DOCK1: variants seen among roughly 807,000 people sequenced by gnomAD.
DOCK1 encodes the protein dedicator of cytokinesis protein 1.
In DOCK1, 138 loss-of-function variants were observed where a neutral mutation model predicts 262.7. The ratio of observed to expected loss-of-function variants is 0.53; its 90% CI spans 0.46 to 0.61. DOCK1 has a LOEUF of 0.61. Ranked by LOEUF, DOCK1 falls within the 20% of genes least tolerant of loss-of-function variation. The pLI is 0.00. For synonymous variants in DOCK1, 866 were observed against 867.4 expected (o/e 1.00, Z 0.03); for missense variants, 1,908 against 2,370.7 (o/e 0.80, Z 4.05).
chr10:127,301,162 T>G (rs769190847), intron 29 of DOCK1, among the ~76,000 whole-genome samples: 25 of 152,328 alleles, frequency 1.6e-4, no homozygotes, highest in Non-Finnish European at 2.8e-4. Flanking sequence ...CAGTGAGAAC[T>G]GGGCAGGCAT....
intron 23 of DOCK1, among the ~76,000 whole-genome samples, chr10:127,063,673 A>G (rs1245435250): frequency 1.3e-5 from 2 of 152,356 alleles, no homozygotes; most frequent in East Asian, 3.9e-4. Context: ...AGACGTGTGT[A>G]GTGTAAGAAT....
In DOCK1 at chr10:126,955,598, G is replaced by A. The variant is rs909346010; in HGVS notation, c.47-15104G>A. On this transcript the variant is annotated intron_variant, in intron 1 of 51. Transcript: ENST00000623213. ...AAGCTGCTGGGGAAGACAGGCTGGC[G>A]CTGTCTGGGGTTAAAGGTGGTTCCC... is the stretch of plus-strand genomic sequence containing the variant. Among the ~76,000 whole-genome samples the A allele has an allele frequency of 4.8e-3, 726 of 152,210 alleles. 3 individuals are homozygous for A. The highest frequency in any genetic ancestry group is 4.5e-3 in the Non-Finnish European group (309 of 68,012).
intron 31 of DOCK1, among the ~76,000 whole-genome samples, chr10:127,346,277 C>T (rs1042501297): frequency 3.3e-5 from 5 of 152,164 alleles, no homozygotes; most frequent in Admixed American, 2.6e-4. Context: ...TTGGTGTGAG[C>T]GTTAAGAGCC....
intron 22 of DOCK1, among the ~76,000 whole-genome samples, chr10:127,058,881 AT>A (rs2045350276): frequency 6.6e-6 from 1 of 151,960 alleles, no homozygotes; most frequent in Non-Finnish European, 1.5e-5. Context: ...CATTACTGTT[AT>A]TTTATACAGT....
At chr10:127,112,613 C>T (rs1347416352) in intron 25 of DOCK1, among the ~76,000 whole-genome samples, 1 of 152,070 alleles carries the variant, frequency 6.6e-6, no homozygotes, top group Non-Finnish European at 1.5e-5. Flanking sequence ...TTTTTAAGTA[C>T]GGAATTAGGA....
At position 127,140,878 on chromosome 10, in the gene DOCK1, G is replaced by GCA. The variant is rs530724081; in HGVS notation, c.2847+13119_2847+13120dup. Among the ~76,000 whole-genome samples the GCA allele has an allele frequency of 1.3e-3, 192 of 152,338 alleles. 1 individual carries two copies. Among genetic ancestry groups the GCA allele is most frequent in the African/African-American group, 4.4e-3 (183 of 41,592 alleles). ...TGTTCCAGGGCACTGGGACTGCCCT[G>GCA]CACACAGACCTCCCTCTGTATTTGA... On this transcript the variant is annotated intron_variant, in intron 27 of 51. Transcript: ENST00000623213.
At position 127,175,899 on chromosome 10, in the gene DOCK1, C is replaced by T. The variant is rs202008548; in HGVS notation, c.2847+48135C>T. 207 of 1,614,076 alleles carry T rather than the reference C, an allele frequency of 1.3e-4. No individual in the cohort carries two copies. Among genetic ancestry groups the T allele is most frequent in the Middle Eastern group, 1.6e-4 (1 of 6,084 alleles). Reference sequence around the variant, plus strand: ...AACCAAGGCTGTGGTCTTGTGCACCCGCCCCGCGCCACATGGCCGGGCCTC... The same window carrying T: ...AACCAAGGCTGTGGTCTTGTGCACCTGCCCCGCGCCACATGGCCGGGCCTC... On this transcript the variant is annotated intron_variant, in intron 27 of 51. Transcript: ENST00000623213. The surrounding 1 kb of genome is among the most constrained non-coding windows in gnomAD (Gnocchi z 6.3).
intron 29 of DOCK1, among the ~76,000 whole-genome samples, chr10:127,308,959 G>T (rs2061969594): frequency 6.6e-6 from 1 of 152,228 alleles, no homozygotes; most frequent in South Asian, 2.1e-4. Context: ...CCCAGTAATG[G>T]GATGGCTGGG....
rs2070957601 is a variant in DOCK1, at chr10:127,451,370, T to C, written c.5604T>C (p.Pro1868=). The change falls in exon 52 of 52, where the codon CCT becomes CCC. Residue 1868 remains proline, a synonymous_variant. Transcript: ENST00000623213. ...CACTGCCCAGCAAAACTCCGCCTCC[T>C]CCCCCTCCAAAGACAACTCGCAAGC... ...PPPLPSKTPP[P]PPPKTTRKQA... The C allele has an allele frequency of 6.3e-7, 1 of 1,599,736 alleles. No homozygotes were observed. The highest frequency in any genetic ancestry group is 2.3e-5 in the East Asian group (1 of 44,062).
intron 18 of DOCK1, among the ~76,000 whole-genome samples, chr10:127,034,215 T>C (rs61873980): frequency 0.17 from 25,580 of 152,182 alleles, 2,406 homozygotes; most frequent in Non-Finnish European, 0.22. Context: ...TGTACAGTTC[T>C]GTGTGACTGG....
chr10:126,959,569 T>C (rs960817993), intron 1 of DOCK1, among the ~76,000 whole-genome samples: 23 of 152,326 alleles, frequency 1.5e-4, no homozygotes, highest in African/African-American at 4.8e-4. Flanking sequence ...CCCTCTGACG[T>C]GCCAGGCTGC....
chr10:127,008,696 A>G (rs2041208637), intron 10 of DOCK1, 36 bp from the exon 11 acceptor site: 1 of 1,531,996 alleles, frequency 6.5e-7, no homozygotes, highest in Admixed American at 1.9e-5. Flanking sequence ...TATAGCATTT[A>G]AGCCAAAACA....
At chr10:127,086,859 G>T (rs552295383) in intron 23 of DOCK1, among the ~76,000 whole-genome samples, 9 of 152,160 alleles carry the variant, frequency 5.9e-5, no homozygotes, top group Non-Finnish European at 1.5e-5. Context: ...ATATTAGATA[G>T]GCATGCATAA....
At chr10:127,252,978 A>C (rs2059704042) in intron 28 of DOCK1, among the ~76,000 whole-genome samples, 1 of 152,150 alleles carries the variant, frequency 6.6e-6, no homozygotes, top group Non-Finnish European at 1.5e-5. Context: ...ATACAAAATC[A>C]CACTTACTAT....
intron 47 of DOCK1, among the ~76,000 whole-genome samples, chr10:127,432,875 C>T (rs1442471274): frequency 6.6e-6 from 1 of 152,086 alleles, no homozygotes; most frequent in Non-Finnish European, 1.5e-5. Context: ...ATTTTGATGG[C>T]CCGTGTAGTC....
At chr10:127,213,748 G>A (rs759598683) in intron 27 of DOCK1, among the ~76,000 whole-genome samples, 6 of 152,180 alleles carry the variant, frequency 3.9e-5, no homozygotes, top group Admixed American at 3.9e-4. Context: ...GGGAAATGAC[G>A]CTCCTTTGGC....
At chr10:127,045,066 C>T (rs1235155814) in intron 21 of DOCK1, among the ~76,000 whole-genome samples, 4 of 151,918 alleles carry the variant, frequency 2.6e-5, no homozygotes. Flanking sequence ...CGCGTGGTGG[C>T]ACGTGCCTGT....
chr10:127,300,709 T>G (rs1291870322), intron 29 of DOCK1, among the ~76,000 whole-genome samples: 1 of 152,202 alleles, frequency 6.6e-6, no homozygotes, highest in Non-Finnish European at 1.5e-5. Flanking sequence ...TTTTTCCCTC[T>G]TAGGGGCCAC....
intron 1 of DOCK1, among the ~76,000 whole-genome samples, chr10:126,951,945 G>T (rs991772010): frequency 6.6e-6 from 1 of 151,380 alleles, no homozygotes; most frequent in Non-Finnish European, 1.5e-5. Flanking sequence ...CGCCTCCTGG[G>T]TTCAAGCGAT....
Sources: gnomAD v4.1 joint callset for allele counts (sites outside exome capture counted in the v4.1 genomes callset) on GRCh38, gnomAD v4.1.1 for gene constraint, Gnocchi (gnomAD v3.1) non-coding constraint, MANE v1.5 for transcripts, NCBI Gene and HGNC (gene_info 2026-07-23, HGNC 2026-07-21) for gene names.